Variants in KANK1 observed in about 807,000 individuals in gnomAD.
KANK1 encodes KN motif and ankyrin repeat domain-containing protein 1.
A neutral mutation model predicts 106.2 loss-of-function variants in KANK1; 109 were observed. The observed-to-expected ratio is 1.03, with a 90% CI of 0.88 to 1.20. KANK1 has a LOEUF of 1.20. Among genes scored for constraint, KANK1 ranks in the 50% most tolerant of loss-of-function variants. KANK1 has a pLI of 0.00. For synonymous variants in KANK1, 873 were observed against 652.2 expected (o/e 1.34, Z -5.16); for missense variants, 2,399 against 1,710.7 (o/e 1.40, Z -7.10).
intron 7 of KANK1, among the ~76,000 whole-genome samples, chr9:735,932 T>C (rs1376477664): frequency 6.6e-6 from 1 of 152,122 alleles, no homozygotes; most frequent in Non-Finnish European, 1.5e-5. Context: ...GAGGTGGTGG[T>C]TGCAGTGAGC....
intron 1 of KANK1, among the ~76,000 whole-genome samples, chr9:572,184 T>G: frequency 7.7e-6 from 1 of 129,560 alleles, no homozygotes; most frequent in African/African-American, 2.9e-5. Flanking sequence ...AGAGACAGGG[T>G]CTTGCTCTTT....
At chr9:571,314 A>C (rs1819105228) in intron 1 of KANK1, among the ~76,000 whole-genome samples, 2 of 152,252 alleles carry the variant, frequency 1.3e-5, no homozygotes, top group South Asian at 4.1e-4. Context: ...GACAATTGCT[A>C]GAGGGTATGA....
rs557754755 is a variant in KANK1 at position 482,671 on chromosome 9, A to G, written c.-362+9398A>G. Among the ~76,000 whole-genome samples the G allele has an allele frequency of 5.3e-5, 8 of 152,304 alleles. No individual in the cohort carries two copies. The South Asian group carries it at 1.7e-3, about 32-fold the overall frequency. ...GCATGTGATTGTACCATTCATATGGATGTGTAAATGCACCCTCAATGGCAC... is the reference window on the plus strand; with the variant it reads ...GCATGTGATTGTACCATTCATATGGGTGTGTAAATGCACCCTCAATGGCAC... On this transcript the variant is annotated intron_variant, in intron 3 of 15. Coordinates refer to the KANK1 transcript ENST00000382303.
intron 1 of KANK1, among the ~76,000 whole-genome samples, chr9:581,121 G>A (rs566865558): frequency 3.3e-5 from 5 of 152,260 alleles, no homozygotes; most frequent in East Asian, 1.9e-4. Flanking sequence ...GCCCGCGAGC[G>A]TTGTGTGCAG....
At chr9:649,218 C>G (rs904935992) in intron 1 of KANK1, among the ~76,000 whole-genome samples, 1 of 152,118 alleles carries the variant, frequency 6.6e-6, no homozygotes, top group Non-Finnish European at 1.5e-5. Context: ...TTGCTATTCC[C>G]TCTCCACCTC....
At chr9:531,708 C>CT (rs2060064581) in intron 1 of KANK1, among the ~76,000 whole-genome samples, 1 of 152,110 alleles carries the variant, frequency 6.6e-6, no homozygotes, top group South Asian at 2.1e-4. Context: ...CTTTATTTGC[C>CT]TAAGATGTAG....
chr9:491,531 T>G (rs2058378018), intron 3 of KANK1, among the ~76,000 whole-genome samples: 2 of 152,126 alleles, frequency 1.3e-5, no homozygotes, highest in Admixed American at 1.3e-4. Context: ...CCCCCCAAAG[T>G]GCTGGGATTA....
In KANK1 at chr9:691,987, A is replaced by G. The variant is rs370425904; in HGVS notation, c.37+14978A>G. The stretch of plus-strand genomic sequence containing the variant: ...TGGGTAAATGTGGCACTAGTTGAAC[A>G]AGATTTACTGAATTTTATCACAGGG... On this transcript the variant is annotated intron_variant, in intron 2 of 11. Transcript: ENST00000382297. 2.0e-5 allele frequency among the ~76,000 whole-genome samples: 3 copies of G among 152,296 alleles called. No homozygotes were observed. In the East Asian group the frequency reaches 5.8e-4, roughly 29 times the overall value.
At chr9:564,062 C>CTTTTT (rs34396017) in intron 1 of KANK1, among the ~76,000 whole-genome samples, 1 of 140,258 alleles carries the variant, frequency 7.1e-6, no homozygotes, top group African/African-American at 2.6e-5. Flanking sequence ...CACTTTCTTT[C>CTTTTT]TTTTTTTTTT....
At position 608,603 on chromosome 9, in the gene KANK1, G is replaced by A. The variant is rs577362793; in HGVS notation, c.-83-68287G>A. On this transcript the variant is annotated intron_variant, in intron 1 of 11. Transcript: ENST00000382297. ...AGTGGGCTCTCTCTCTAGTCACTTC[G>A]GGAGGAATGCCATCATCAGGACATC... Among the ~76,000 whole-genome samples the A allele has an allele frequency of 1.5e-4, 23 of 149,266 alleles. 1 individual carries two copies. The highest frequency in any genetic ancestry group is 5.9e-4 in the African/African-American group (23 of 38,668).
chr9:493,480 ACTGGATG>A (rs2058410723), intron 3 of KANK1, among the ~76,000 whole-genome samples: 2 of 151,394 alleles, frequency 1.3e-5, no homozygotes, highest in African/African-American at 2.4e-5. Flanking sequence ...GAAGCAGCTC[ACTGGATG>A]GTTCTCAGGA....
intron 9 of KANK1, among the ~76,000 whole-genome samples, 180 bp downstream of exon 9, chr9:741,114 A>C (rs1416435561): frequency 6.6e-6 from 1 of 152,206 alleles, no homozygotes; most frequent in East Asian, 1.9e-4. Context: ...TACCAGGGAA[A>C]TATGGGCTTA....
chr9:583,966 A>G (rs1190248748), intron 1 of KANK1, among the ~76,000 whole-genome samples: 1 of 152,132 alleles, frequency 6.6e-6, no homozygotes, highest in African/African-American at 2.4e-5. Flanking sequence ...AGGAGTGGGT[A>G]TTGTCATGTG....
chr9:669,532 C>T (rs1262551187), intron 1 of KANK1, among the ~76,000 whole-genome samples: 1 of 152,004 alleles, frequency 6.6e-6, no homozygotes, highest in Non-Finnish European at 1.5e-5. Context: ...TTTCTTTCAG[C>T]ACTTTGAAAA....
At chr9:503,653 A>G (rs762526618), upstream of KANK1, among the ~76,000 whole-genome samples, 1 of 152,202 alleles carries the variant, frequency 6.6e-6, no homozygotes, top group East Asian at 1.9e-4. Flanking sequence ...CTCCCTTAAG[A>G]AAATCAGTTG....
intron 2 of KANK1, chr9:686,985 G>C: frequency 1.0e-6 from 1 of 964,340 alleles, no homozygotes; most frequent in African/African-American, 1.8e-5. Flanking sequence ...TGTTGTCCCT[G>C]GATGCTTTGA....
chr9:499,822 G>A (rs1419462605), upstream of KANK1, among the ~76,000 whole-genome samples: 1 of 152,180 alleles, frequency 6.6e-6, no homozygotes, highest in Non-Finnish European at 1.5e-5. Context: ...ACAAGGAAAT[G>A]AAGACCCAAA....
chr9:728,949 G>A (rs928033947), intron 3 of KANK1, among the ~76,000 whole-genome samples: 3 of 152,140 alleles, frequency 2.0e-5, no homozygotes, highest in African/African-American at 7.2e-5. Flanking sequence ...GTAACTTCTA[G>A]TCCACTAAAA....
At chr9:517,412 GT>G (rs2059332023) in intron 1 of KANK1, among the ~76,000 whole-genome samples, 1 of 151,658 alleles carries the variant, frequency 6.6e-6, no homozygotes, top group South Asian at 2.1e-4. Context: ...TGCAAGCTGT[GT>G]TTTGTCGGGA....
Sources: allele counts gnomAD v4.1 joint callset (sites outside exome capture counted in the v4.1 genomes callset), GRCh38; gene constraint gnomAD v4.1.1; transcripts MANE v1.5; gene names NCBI Gene and HGNC (gene_info 2026-07-23, HGNC 2026-07-21).